The following IRAK2 variants were observed in gnomAD, a reference collection of about 807,000 sequenced individuals.
IRAK2 encodes interleukin-1 receptor-associated kinase-like 2.
Under a neutral mutation model 72.0 loss-of-function variants are expected in IRAK2, and 57 were observed. That is an observed-to-expected ratio of 0.79 (90% confidence interval 0.64 to 0.99). The LOEUF (loss-of-function observed/expected upper bound fraction) is 0.99. Among genes scored for constraint, IRAK2 ranks in the 50% least tolerant of loss-of-function variants. The probability of loss-of-function intolerance (pLI) is 0.00; values close to 1 mark genes in which losing one functional copy is unlikely to be tolerated. For missense variants in IRAK2, 790 were observed against 794.4 expected, an observed-to-expected ratio of 0.99 and a Z score of 0.07; for synonymous variants, 293 against 312.7, an observed-to-expected ratio of 0.94 and a Z score of 0.67.
intron 10 of IRAK2, among the ~76,000 whole-genome samples, chr3:10,226,988 G>C (rs1697789362): frequency 6.8e-6 from 1 of 147,850 alleles, no homozygotes; most frequent in Non-Finnish European, 1.5e-5. Context: ...TTTATAGAAA[G>C]CACTTGTATA....
At position 10,174,594 on chromosome 3, in the gene IRAK2, G is replaced by A. The variant is rs369500826; in HGVS notation, c.95-3244G>A. Among the ~76,000 whole-genome samples, 72 of 151,874 alleles carry A rather than the reference G, an allele frequency of 4.7e-4. No individual in the cohort carries two copies. The East Asian group carries it at 0.012, about 25-fold the overall frequency. On this transcript the variant is annotated intron_variant, in intron 1 of 12. Coordinates refer to ENST00000256458, the MANE Select transcript of IRAK2 (RefSeq NM_001570.4). ...CGCTGGAGTGCAGTGGCGTGATCTC[G>A]GCTCACTGCAACCTCTGCCTCCCGG...
At chr3:10,229,256 T>A (rs1449745784) in intron 10 of IRAK2, among the ~76,000 whole-genome samples, 1 of 152,004 alleles carries the variant, frequency 6.6e-6, no homozygotes, top group Non-Finnish European at 1.5e-5. Flanking sequence ...TAATTTAATT[T>A]GATTTAGAGA....
At chr3:10,177,783 G>T in intron 1 of IRAK2, 55 bp from the exon 2 acceptor site, 4 of 1,568,274 alleles carry the variant, frequency 2.6e-6, no homozygotes, top group Non-Finnish European at 3.5e-6. Context: ...GTGGGGACCT[G>T]TCCTAGAGGG....
intron 2 of IRAK2, among the ~76,000 whole-genome samples, chr3:10,184,473 G>A (rs1375277152): frequency 3.3e-5 from 5 of 152,116 alleles, no homozygotes; most frequent in African/African-American, 7.2e-5. Flanking sequence ...AATCTGGTAT[G>A]TGTGGGTGAT....
chr3:10,220,006 A>G (rs1697664606), intron 8 of IRAK2, among the ~76,000 whole-genome samples: 1 of 152,144 alleles, frequency 6.6e-6, no homozygotes, highest in Admixed American at 6.5e-5. Flanking sequence ...TGCTCTCAGG[A>G]TGAATTGCCT....
chr3:10,220,931 T>A (rs1697677486), intron 8 of IRAK2, among the ~76,000 whole-genome samples: 1 of 152,096 alleles, frequency 6.6e-6, no homozygotes, highest in Non-Finnish European at 1.5e-5. Context: ...TCACATCCTG[T>A]TTTTTACCCC....
intron 3 of IRAK2, among the ~76,000 whole-genome samples, chr3:10,208,955 C>G (rs1697475722): frequency 6.6e-6 from 1 of 152,060 alleles, no homozygotes; most frequent in South Asian, 2.1e-4. Context: ...TTAACTTACT[C>G]CAGCCCCGGG....
chr3:10,182,287 C>CTTTT (rs564399732), intron 2 of IRAK2, among the ~76,000 whole-genome samples: 2 of 128,720 alleles, frequency 1.6e-5, no homozygotes, highest in Admixed American at 8.1e-5. Flanking sequence ...TTCTTTTTTT[C>CTTTT]TTTTTTTTTT....
chr3:10,180,184 G>T (rs572981706), intron 2 of IRAK2, among the ~76,000 whole-genome samples: 1 of 152,164 alleles, frequency 6.6e-6, no homozygotes, highest in African/African-American at 2.4e-5. Flanking sequence ...GGGGGGTCTG[G>T]TTACCCCCAC....
chr3:10,199,193 G>A (rs1216134024), intron 2 of IRAK2, among the ~76,000 whole-genome samples: 1 of 152,134 alleles, frequency 6.6e-6, no homozygotes, highest in African/African-American at 2.4e-5. Flanking sequence ...TGGAGGAGGG[G>A]AGAGGAAGCT....
chr3:10,199,574 G>A (rs867348849), intron 2 of IRAK2, among the ~76,000 whole-genome samples: 14 of 152,194 alleles, frequency 9.2e-5, no homozygotes, highest in African/African-American at 3.4e-4. Context: ...TTGTAGGACA[G>A]CCAGAACTTT....
chr3:10,227,407 C>T (rs1248834915), intron 10 of IRAK2, among the ~76,000 whole-genome samples: 1 of 151,980 alleles, frequency 6.6e-6, no homozygotes, highest in East Asian at 1.9e-4. Flanking sequence ...AAGATTGCAC[C>T]ACTGCACTCC....
chr3:10,197,846 C>T lies in IRAK2; in HGVS notation c.278-2523C>T, dbSNP rs546092691. ...TAGCCTGGGCGACAGAGTGAGACTCCGTCTCAAAAAAAAAAAAAAATTATT... is the reference window on the plus strand; with the variant it reads ...TAGCCTGGGCGACAGAGTGAGACTCTGTCTCAAAAAAAAAAAAAAATTATT... On this transcript the variant is annotated intron_variant, in intron 2 of 12. Coordinates refer to ENST00000256458, the MANE Select transcript of IRAK2 (RefSeq NM_001570.4). Among the ~76,000 whole-genome samples the T allele has an allele frequency of 6.7e-4, 97 of 145,010 alleles. 1 individual carries two copies. In the South Asian group the frequency reaches 8.0e-3, roughly 12 times the overall value.
At chr3:10,165,432 G>T (rs713022) in intron 1 of IRAK2, among the ~76,000 whole-genome samples, 60,816 of 145,512 alleles carry the variant, frequency 0.42, 12,363 homozygotes, top group Middle Eastern at 0.5. Context: ...TTCTTGGGGG[G>T]GTGTGTGTGT....
rs548037558 is a variant in IRAK2 at position 10,184,773 on chromosome 3, A to G, written c.277+6753A>G. Among the ~76,000 whole-genome samples, 1,181 of 124,522 alleles carry G rather than the reference A, an allele frequency of 9.5e-3. 54 individuals carry two copies. Among genetic ancestry groups the G allele is most frequent in the African/African-American group, 0.035 (1,111 of 32,104 alleles). 81.7% of individuals were successfully genotyped at this position (124,522 alleles called of 152,430 possible). ...GAGACGGAGCCTTGCTCTGTCGCCC[A>G]GGCTGGAGTGCAGTGGCGCGATCTC... On this transcript the variant is annotated intron_variant, in intron 2 of 12. Transcript: ENST00000256458.
intron 3 of IRAK2, among the ~76,000 whole-genome samples, chr3:10,205,040 C>T (rs979160173): frequency 1.3e-5 from 2 of 152,100 alleles, no homozygotes; most frequent in Non-Finnish European, 2.9e-5. Context: ...TACAAACATA[C>T]AAAAGCCAAG....
chr3:10,239,719 T>C (rs1437437817), intron 12 of IRAK2, among the ~76,000 whole-genome samples: 1 of 150,768 alleles, frequency 6.6e-6, no homozygotes, highest in East Asian at 2.0e-4. Context: ...AGAACAAGAG[T>C]CCGTCTCAAA....
chr3:10,236,341 GGTTTT>G (rs1697958955), intron 11 of IRAK2, among the ~76,000 whole-genome samples: 1 of 125,236 alleles, frequency 8.0e-6, no homozygotes, highest in African/African-American at 3.1e-5. Context: ...GAGCCACTAA[GGTTTT>G]TTTTTTTTTT....
At chr3:10,242,025 G>C in intron 12 of IRAK2, 91 bp from the exon 13 acceptor site, 1 of 705,076 alleles carries the variant, frequency 1.4e-6, no homozygotes, top group Non-Finnish European at 2.4e-6. Flanking sequence ...CTCAGGGCCT[G>C]ATTCAGAAAC....
Sources: gnomAD v4.1 joint callset for allele counts (sites outside exome capture counted in the v4.1 genomes callset) on GRCh38, gnomAD v4.1.1 for gene constraint, MANE v1.5 for transcripts, NCBI Gene and HGNC (gene_info 2026-07-23, HGNC 2026-07-21) for gene names.